Variants in DST observed in about 807,000 individuals in gnomAD.
DST encodes the protein bullous pemphigoid antigen.
Under a neutral mutation model 875.2 loss-of-function variants are expected in DST, and 253 were observed. The observed-to-expected ratio is 0.29, with a 90% confidence interval of 0.26 to 0.32. DST has a LOEUF of 0.32. Among genes scored for constraint, DST ranks in the 10% least tolerant of loss-of-function variants. The pLI is 1.00. For synonymous variants in DST, 3,124 were observed against 3,197.1 expected (o/e 0.98, Z 0.77); for missense variants, 8,287 against 9,111.6 (o/e 0.91, Z 3.68).
At chr6:56,560,077 AGATTT>A (rs1485508905) in intron 58 of DST, among the ~76,000 whole-genome samples, 1 of 152,172 alleles carries the variant, frequency 6.6e-6, no homozygotes, top group Non-Finnish European at 1.5e-5. Context: ...TCATAAAAAT[AGATTT>A]AATTACTGTG....
intron 10 of DST, among the ~76,000 whole-genome samples, chr6:56,661,807 T>G (rs1207628629): frequency 6.6e-6 from 1 of 152,132 alleles, no homozygotes; most frequent in East Asian, 1.9e-4. Flanking sequence ...AGGATGGTCT[T>G]GAACTCCTGA....
chr6:56,508,075 C>T lies in DST; in HGVS notation c.19239+454G>A, dbSNP rs957482975. On this transcript the variant is annotated intron_variant, in intron 75 of 103. Transcript: ENST00000680361. ...TCTGAGACAGGGGCTCACTCTGTCG[C>T]CCAGGTTAGAGTATAGTGGCACGAT... Among the ~76,000 whole-genome samples the T allele has an allele frequency of 4.6e-5, 7 of 152,114 alleles. No individual in the cohort carries two copies. The East Asian group carries it at 1.2e-3, about 25-fold the overall frequency.
At chr6:56,918,090 T>C (rs1301045880) in intron 2 of DST, among the ~76,000 whole-genome samples, 1 of 152,084 alleles carries the variant, frequency 6.6e-6, no homozygotes, top group East Asian at 1.9e-4. Flanking sequence ...TACATTGCTC[T>C]TTTTATGACA....
chr6:56,939,822 C>G (rs976879071), intron 2 of DST, among the ~76,000 whole-genome samples: 31 of 152,084 alleles, frequency 2.0e-4, no homozygotes, highest in African/African-American at 7.2e-4. Flanking sequence ...GTCAGGAGTT[C>G]AAGACCAGCC....
At position 56,494,000 on chromosome 6, in the gene DST, A is replaced by G; in HGVS notation, c.20394+10T>C. 1 of 1,571,794 alleles carries G rather than the reference A, an allele frequency of 6.4e-7. No individual in the cohort carries two copies. Among genetic ancestry groups the G allele is most frequent in the Non-Finnish European group, 8.6e-7 (1 of 1,157,626 alleles). On this transcript the variant is annotated intron_variant, in intron 83 of 103. Coordinates refer to ENST00000680361, the MANE Select transcript of DST (RefSeq NM_001374736.1). ...AACACTGATTCTATTATATTAATCA[A>G]AGCACATACTTTCCTTTCATTGAGT... is the stretch of plus-strand genomic sequence containing the variant.
intron 88 of DST, chr6:56,483,415 T>C (rs2095461419): frequency 3.9e-5 from 6 of 152,148 alleles, no homozygotes; most frequent in Admixed American, 3.9e-4. Flanking sequence ...TGGTCTTTTA[T>C]TCCTATAACA....
At chr6:56,825,818 A>G (rs1482581389) in intron 4 of DST, among the ~76,000 whole-genome samples, 1 of 152,216 alleles carries the variant, frequency 6.6e-6, no homozygotes, top group East Asian at 1.9e-4. Flanking sequence ...GGGTTTAAGA[A>G]AGTGGCTCTT....
At position 56,663,149 on chromosome 6, in the gene DST, T is replaced by C. The variant is rs184634105; in HGVS notation, c.1214+7492A>G. On this transcript the variant is annotated intron_variant, in intron 10 of 103. Coordinates refer to ENST00000680361, the MANE Select transcript of DST (RefSeq NM_001374736.1). ...CTCCCAAACTGTAGGTAAAACCATA[T>C]AGATACAATAAAAATGGTCACCAGA... is the stretch of plus-strand genomic sequence containing the variant. Among the ~76,000 whole-genome samples, 60 of 152,302 alleles carry C rather than the reference T, an allele frequency of 3.9e-4. 2 individuals are homozygous for C. Among genetic ancestry groups the C allele is most frequent in the African/African-American group, 1.4e-3 (57 of 41,566 alleles).
At chr6:56,534,802 C>T (rs992201015) in intron 63 of DST, among the ~76,000 whole-genome samples, 2 of 152,164 alleles carry the variant, frequency 1.3e-5, no homozygotes, top group African/African-American at 4.8e-5. Context: ...CTTTATTCAT[C>T]ACTTGCTAAC....
At chr6:56,813,878 A>G (rs1244363405) in intron 4 of DST, among the ~76,000 whole-genome samples, 1 of 152,198 alleles carries the variant, frequency 6.6e-6, no homozygotes, top group Non-Finnish European at 1.5e-5. Flanking sequence ...CCAAGATTAC[A>G]TGCCCCAAGA....
intron 4 of DST, among the ~76,000 whole-genome samples, chr6:56,812,601 A>T (rs541363696): frequency 6.6e-6 from 1 of 152,374 alleles, no homozygotes; most frequent in East Asian, 1.9e-4. Flanking sequence ...AATAAAGTAG[A>T]CAAATGTCTT....
intron 3 of DST, among the ~76,000 whole-genome samples, chr6:56,883,910 T>A (rs1403681597): frequency 6.6e-6 from 1 of 152,056 alleles, no homozygotes. Context: ...TTTTTATAAG[T>A]TTCTTAATAT....
intron 36 of DST, chr6:56,618,277 C>T (rs1224963435): frequency 6.2e-7 from 1 of 1,614,034 alleles, no homozygotes; most frequent in Non-Finnish European, 8.5e-7. Context: ...CTTCCAATGG[C>T]TGTGGTTCTT....
At chr6:56,845,959 G>A (rs762028544) in intron 4 of DST, among the ~76,000 whole-genome samples, 10 of 152,244 alleles carry the variant, frequency 6.6e-5, no homozygotes, top group Non-Finnish European at 1.3e-4. Context: ...AGAGGCAAAA[G>A]CGTAGCAGTA....
Position 56,604,826 on chromosome 6 carries a change from T to C in DST, c.9802A>G (p.Ile3268Val). The change falls in exon 40 of 104, where the codon ATT becomes GTT. Residue 3268 changes from isoleucine (I) to valine (V), a missense_variant. Coordinates refer to ENST00000680361, the MANE Select transcript of DST (RefSeq NM_001374736.1). ...GATAATATTGAAAGTGTGGCTTCAA[T>C]ACTTTCTGGTGTGAACTGAGAAATT... ...TEISQFTPES[I>V]EATLSILSRK... 1.2e-6 allele frequency: 2 copies of C among 1,612,860 alleles called. No individual in the cohort carries two copies. Among genetic ancestry groups the C allele is most frequent in the Non-Finnish European group, 1.7e-6 (2 of 1,179,294 alleles).
intron 3 of DST, among the ~76,000 whole-genome samples, chr6:56,862,788 G>A (rs1361724128): frequency 6.6e-6 from 1 of 152,128 alleles, no homozygotes; most frequent in East Asian, 1.9e-4. Flanking sequence ...GAAAAAAGAA[G>A]GCTGGAGGAA....
At chr6:56,741,707 T>A (rs1472781910) in intron 4 of DST, among the ~76,000 whole-genome samples, 1 of 152,208 alleles carries the variant, frequency 6.6e-6, no homozygotes, top group African/African-American at 2.4e-5. Flanking sequence ...GTTCTTTATT[T>A]CATTTCAGTT....
rs183347937 is a variant in DST, at chr6:56,637,581, C to G, written c.2965-929G>C. ...TGTGTACTCCCAAATTGGTGTAATTCTGGAATTATAATGATGATAATACTA... is the reference window on the plus strand; with the variant it reads ...TGTGTACTCCCAAATTGGTGTAATTGTGGAATTATAATGATGATAATACTA... On this transcript the variant is annotated intron_variant, in intron 22 of 103. Coordinates refer to ENST00000680361, the MANE Select transcript of DST (RefSeq NM_001374736.1). Among the ~76,000 whole-genome samples, 3 of 152,032 alleles carry G rather than the reference C, an allele frequency of 2.0e-5. No individual in the cohort carries two copies. In the East Asian group the frequency reaches 5.8e-4, roughly 29 times the overall value.
chr6:56,886,171 C>T (rs192417046), intron 3 of DST, among the ~76,000 whole-genome samples: 93 of 152,262 alleles, frequency 6.1e-4, no homozygotes, highest in Admixed American at 9.8e-4. Context: ...TTCCTCCAGT[C>T]AAATGGAATC....
Sources: allele counts gnomAD v4.1 joint callset (sites outside exome capture counted in the v4.1 genomes callset), GRCh38; gene constraint gnomAD v4.1.1; transcripts MANE v1.5; gene names NCBI Gene and HGNC (gene_info 2026-07-23, HGNC 2026-07-21).